Variants in UMODL1 observed in about 807,000 individuals in gnomAD.
UMODL1 encodes uromodulin-like 1.
UMODL1 carries 128 observed loss-of-function variants against 136.3 expected under a neutral mutation model. The observed-to-expected ratio is 0.94, with a 90% CI of 0.81 to 1.09. The LOEUF is 1.09. Among genes scored for constraint, UMODL1 ranks in the 50% least tolerant of loss-of-function variants. UMODL1 has a pLI of 0.00. For missense variants in UMODL1, 1,766 were observed against 1,725.6 expected (o/e 1.02, Z -0.41); for synonymous variants, 721 against 720.0 (o/e 1.00, Z -0.02).
At position 42,099,722 on chromosome 21, in the gene UMODL1, C is replaced by G. The variant is rs2066603866; in HGVS notation, c.1186+542C>G. 6.6e-6 allele frequency among the ~76,000 whole-genome samples: 1 copy of G among 152,152 alleles called. No individual in the cohort carries two copies. The highest frequency in any genetic ancestry group is 2.4e-5 in the African/African-American group (1 of 41,408). ...TTGAGACAGGGTCTCGCTCTGTCACCCAGGCTGGAGTGTAGTGGTATGATC... is the reference window on the plus strand; with the variant it reads ...TTGAGACAGGGTCTCGCTCTGTCACGCAGGCTGGAGTGTAGTGGTATGATC... On this transcript the variant is annotated intron_variant, in intron 7 of 22. Transcript: ENST00000408910. This position sits in a 1 kb window ranked among gnomAD's most constrained non-coding sequence, Gnocchi z 4.1.
At chr21:42,093,070 A>T (rs938173337) in intron 6 of UMODL1, among the ~76,000 whole-genome samples, 3 of 152,232 alleles carry the variant, frequency 2.0e-5, no homozygotes, top group Admixed American at 1.3e-4. Context: ...GAAAACCGCC[A>T]TGCCCTTTCC....
At chr21:42,075,279 G>A (rs929928920) in intron 1 of UMODL1, among the ~76,000 whole-genome samples, 10 of 151,530 alleles carry the variant, frequency 6.6e-5, no homozygotes, top group Admixed American at 3.9e-4. Context: ...GGCTGGTCTC[G>A]AACTCCTGAG....
intron 9 of UMODL1, among the ~76,000 whole-genome samples, 199 bp downstream of exon 9, chr21:42,104,286 G>C (rs2066682962): frequency 1.3e-5 from 2 of 152,174 alleles, no homozygotes; most frequent in South Asian, 4.1e-4. Flanking sequence ...GGTCAGCCCA[G>C]GACACTGAGT....
At chr21:42,103,839 G>A in intron 8 of UMODL1, 29 bp from the exon 9 acceptor site, 1 of 1,613,192 alleles carries the variant, frequency 6.2e-7, no homozygotes, top group Non-Finnish European at 8.5e-7. Flanking sequence ...GACGTTGATG[G>A]ATGTCTGCTG....
At chr21:42,124,264 T>C (rs965073466) in intron 17 of UMODL1, among the ~76,000 whole-genome samples, 1 of 152,206 alleles carries the variant, frequency 6.6e-6, no homozygotes, top group Non-Finnish European at 1.5e-5. Context: ...AGCCTGGTAC[T>C]GGACACAGGG....
At chr21:42,124,194 G>A (rs1463853667) in intron 17 of UMODL1, among the ~76,000 whole-genome samples, 4 of 152,338 alleles carry the variant, frequency 2.6e-5, no homozygotes, top group Non-Finnish European at 4.4e-5. Context: ...CAAAGGCTTC[G>A]TGTTCAGGGC....
chr21:42,098,618 A>T (rs1465502313), intron 6 of UMODL1, among the ~76,000 whole-genome samples: 2 of 151,716 alleles, frequency 1.3e-5, no homozygotes, highest in Non-Finnish European at 2.9e-5. Flanking sequence ...AATGCAAAAA[A>T]TTAGCCGGGC....
intron 16 of UMODL1, 47 bp downstream of exon 16, chr21:42,121,271 G>GTT: frequency 6.4e-7 from 1 of 1,565,136 alleles, no homozygotes; most frequent in Non-Finnish European, 8.7e-7. Context: ...ATCATAATCG[G>GTT]TTTTTTTTAA....
At chr21:42,110,607 G>A (rs928179771) in intron 10 of UMODL1, among the ~76,000 whole-genome samples, 1 of 152,172 alleles carries the variant, frequency 6.6e-6, no homozygotes, top group Non-Finnish European at 1.5e-5. Flanking sequence ...ATTCAAGCCC[G>A]GGTTTTGTAG....
intron 9 of UMODL1, among the ~76,000 whole-genome samples, chr21:42,104,353 C>T (rs2066683569): frequency 6.6e-6 from 1 of 152,184 alleles, no homozygotes; most frequent in African/African-American, 2.4e-5. Context: ...CTGTGTCTGT[C>T]GTCAGGGCCC....
At chr21:42,079,518 T>C (rs2066335474) in intron 2 of UMODL1, among the ~76,000 whole-genome samples, 1 of 152,174 alleles carries the variant, frequency 6.6e-6, no homozygotes, top group Admixed American at 6.5e-5. Context: ...ACTCAACCTG[T>C]GGGCCCTGAG....
chr21:42,086,898 G>A (rs1489408849), intron 4 of UMODL1, among the ~76,000 whole-genome samples: 1 of 152,192 alleles, frequency 6.6e-6, no homozygotes, highest in East Asian at 1.9e-4. Context: ...CTCAGGAGGC[G>A]GAGGTTGCAG....
At chr21:42,088,027 G>A (rs998365643) in intron 4 of UMODL1, among the ~76,000 whole-genome samples, 13 of 152,198 alleles carry the variant, frequency 8.5e-5, no homozygotes, top group African/African-American at 2.9e-4. Context: ...CACATTCTGA[G>A]GTACTGGAGG....
rs376572326 is a variant in UMODL1, at chr21:42,103,792, A to G, written c.1300-76A>G. 1,917 of 1,547,576 alleles carry G rather than the reference A, an allele frequency of 1.2e-3. 4 individuals carry two copies. The highest frequency in any genetic ancestry group is 1.6e-3 in the Non-Finnish European group (1,764 of 1,120,808). The stretch of plus-strand genomic sequence containing the variant: ...AGAGAAATGGCTCCAAGCACCATCC[A>G]TCGGTCACACCTGGAACCCTGCTTA... On this transcript the variant is annotated intron_variant, in intron 8 of 22. Coordinates refer to ENST00000408910, the MANE Select transcript of UMODL1 (RefSeq NM_001004416.3).
At chr21:42,083,088 T>A (rs1207343354) in intron 2 of UMODL1, among the ~76,000 whole-genome samples, 2 of 152,192 alleles carry the variant, frequency 1.3e-5, no homozygotes, top group Non-Finnish European at 2.9e-5. Context: ...TAGAGCTGCA[T>A]CGGAGCTGCA....
At chr21:42,071,316 G>A (rs771312275), upstream of UMODL1, 6 of 1,581,060 alleles carry the variant, frequency 3.8e-6, no homozygotes, top group African/African-American at 5.5e-5. Flanking sequence ...ACTGCCGGAC[G>A]ATGCTCAGGA....
intron 21 of UMODL1, among the ~76,000 whole-genome samples, chr21:42,131,247 T>C (rs925441946): frequency 6.6e-6 from 1 of 152,200 alleles, no homozygotes; most frequent in African/African-American, 2.4e-5. Context: ...TTTTCCCTAA[T>C]CTTGATGACC....
chr21:42,102,011 A>G (rs2066640446), intron 7 of UMODL1, 155 bp from the exon 8 acceptor site: 1 of 579,076 alleles, frequency 1.7e-6, no homozygotes, highest in Non-Finnish European at 3.1e-6. Context: ...CGTTTCTTAC[A>G]TTTATTTCCC....
intron 18 of UMODL1, 63 bp downstream of exon 18, chr21:42,126,553 A>T (rs964489641): frequency 2.5e-6 from 4 of 1,609,826 alleles, no homozygotes; most frequent in Admixed American, 1.7e-5. Flanking sequence ...GCGCTTTGAG[A>T]GTTCTTTAGG....
Sources: allele counts gnomAD v4.1 joint callset (sites outside exome capture counted in the v4.1 genomes callset), GRCh38; gene constraint gnomAD v4.1.1; non-coding constraint Gnocchi (gnomAD v3.1); transcripts MANE v1.5; gene names NCBI Gene and HGNC (gene_info 2026-07-23, HGNC 2026-07-21).